ZNF468: variants seen among roughly 807,000 people sequenced by gnomAD.
The protein encoded by ZNF468 is zinc finger protein ZNF468.
ZNF468 carries 8 observed loss-of-function variants against 7.2 expected under a neutral mutation model. The ratio of observed to expected loss-of-function variants is 1.11; its 90% CI spans 0.65 to 2.01. The LOEUF is 2.01. Ranked by LOEUF, ZNF468 falls within the 30% of genes most tolerant of loss-of-function variation. The pLI is 0.00. For synonymous variants in ZNF468, 218 were observed against 214.4 expected (o/e 1.02, Z -0.15); for missense variants, 608 against 626.5 (o/e 0.97, Z 0.31).
intron 3 of ZNF468, 68 bp from the exon 4 acceptor site, chr19:52,842,219 A>T (rs1185652244): frequency 1.9e-5 from 25 of 1,315,656 alleles, no homozygotes; most frequent in Middle Eastern, 3.9e-4. Context: ...AAATGTGTAA[A>T]TATCACAGAA....
chr19:52,848,407 T>G (rs994799976), intron 3 of ZNF468, among the ~76,000 whole-genome samples: 1 of 152,150 alleles, frequency 6.6e-6, no homozygotes, highest in Non-Finnish European at 1.5e-5. Flanking sequence ...GTTCACAAAT[T>G]GCTCCACCTA....
chr19:52,843,170 T>C (rs1003482850), intron 3 of ZNF468, among the ~76,000 whole-genome samples: 14 of 150,776 alleles, frequency 9.3e-5, no homozygotes, highest in African/African-American at 2.7e-4. Flanking sequence ...TTTTTCTGAA[T>C]AACTGTTACA....
chr19:52,847,964 CTG>C (rs2063354219), intron 3 of ZNF468, among the ~76,000 whole-genome samples: 1 of 152,324 alleles, frequency 6.6e-6, no homozygotes, highest in Admixed American at 6.5e-5. Context: ...AACTTTGTCT[CTG>C]TGTCTTATTT....
intron 3 of ZNF468, among the ~76,000 whole-genome samples, chr19:52,847,910 C>T (rs1296262782): frequency 6.6e-6 from 1 of 152,176 alleles, no homozygotes; most frequent in Non-Finnish European, 1.5e-5. Flanking sequence ...CAGGTTCTCG[C>T]ATGCTGAGTG....
chr19:52,843,409 T>G (rs2063320931), intron 3 of ZNF468, among the ~76,000 whole-genome samples: 1 of 151,956 alleles, frequency 6.6e-6, no homozygotes. Flanking sequence ...ATTTTTGTAT[T>G]TTTAGTAGAA....
At position 52,841,384 on chromosome 19, in the gene ZNF468, A is replaced by G. The variant is rs1435082970; in HGVS notation, c.910T>C (p.Cys304Arg). The G allele has an allele frequency of 6.2e-7, 1 of 1,614,068 alleles. No homozygotes were observed. Among genetic ancestry groups the G allele is most frequent in the Admixed American group, 1.7e-5 (1 of 60,004 alleles). ...GATTTGCGACTGAAAACTTTGTCAC[A>G]TTCTTCACATTCATAAGGTTTCTCT... The part of the protein sequence containing the change: ...TGEKPYECEE[C>R]DKVFSRKSHL... The change falls in exon 4 of 4, where the codon TGT becomes CGT. Residue 304 changes from cysteine (C) to arginine (R), a missense_variant. Physicochemically the swap from Cys to Arg is radical, Grantham distance 180. Coordinates refer to ENST00000595646, the MANE Select transcript of ZNF468 (RefSeq NM_001008801.2).
intron 2 of ZNF468, chr19:52,853,755 CTAA>C: frequency 1.7e-6 from 1 of 592,616 alleles, no homozygotes; most frequent in Non-Finnish European, 2.2e-6. Flanking sequence ...ACTTTCCATT[CTAA>C]TTAGTAAGAT....
intron 3 of ZNF468, 76 bp downstream of exon 3, chr19:52,849,011 T>C (rs1329374541): frequency 8.9e-7 from 1 of 1,126,762 alleles, no homozygotes; most frequent in African/African-American, 2.4e-5. Context: ...CAAGGAACAA[T>C]GGGGTTCCTA....
intron 3 of ZNF468, among the ~76,000 whole-genome samples, chr19:52,848,242 C>T (rs1366024695): frequency 6.6e-6 from 1 of 152,258 alleles, no homozygotes; most frequent in East Asian, 1.9e-4. Context: ...TCTCCACAGT[C>T]CAGGGCTTTT....
rs919354008 is a variant in ZNF468 at position 52,838,596 on chromosome 19, CAA to C, written c.*2127_*2128del. On this transcript the variant is annotated 3_prime_UTR_variant, in exon 4 of 4. Coordinates refer to ENST00000595646, the MANE Select transcript of ZNF468 (RefSeq NM_001008801.2). The stretch of plus-strand genomic sequence containing the variant: ...ACATGACCTTCTGTAAAGAAAATCA[CAA>C]AGAGTCAGCCAAAATGCAACTGGAA... The C allele has an allele frequency of 5.9e-5, 9 of 152,230 alleles. No homozygotes were observed. Among genetic ancestry groups the C allele is most frequent in the Admixed American group, 3.9e-4 (6 of 15,282 alleles). 9.4% of individuals were successfully genotyped at this position (152,230 alleles called of 1,614,324 possible).
At chr19:52,842,637 C>A in intron 3 of ZNF468, among the ~76,000 whole-genome samples, 1 of 151,694 alleles carries the variant, frequency 6.6e-6, no homozygotes, top group East Asian at 1.9e-4. Flanking sequence ...ACAATCACAG[C>A]ACTGACAAGA....
At position 52,838,867 on chromosome 19, in the gene ZNF468, G is replaced by A. The variant is rs2063270169; in HGVS notation, c.*1858C>T. On this transcript the variant is annotated 3_prime_UTR_variant, in exon 4 of 4. Transcript: ENST00000595646. ...AATAGATATAAATCCCATACTGATT[G>A]GAAAAATGAATATCGCTCAATGATT... 1 of 151,988 alleles carries A rather than the reference G, an allele frequency of 6.6e-6. No individual in the cohort carries two copies. The highest frequency in any genetic ancestry group is 2.4e-5 in the African/African-American group (1 of 41,396). 9.4% of individuals were successfully genotyped at this position (151,988 alleles called of 1,614,324 possible).
chr19:52,842,437 A>G (rs1347977114), intron 3 of ZNF468, among the ~76,000 whole-genome samples: 4 of 152,144 alleles, frequency 2.6e-5, no homozygotes, highest in Admixed American at 1.3e-4. Context: ...CTGTGACCCT[A>G]AAGTGTGTCA....
chr19:52,841,309 A>G lies in ZNF468; in HGVS notation c.985T>C (p.Cys329Arg), dbSNP rs1246012534. The G allele has an allele frequency of 6.2e-7, 1 of 1,613,640 alleles. No individual in the cohort carries two copies. ...GCGAAAGCCTCATCACAAACCTTAC[A>G]TTTGTATGGTTTCTCTCCAGTATGA... ...RIHTGEKPYK[C>R]KVCDEAFAYN... is the part of the protein sequence containing the mutation. Residue 329 changes from cysteine to arginine, a missense_variant, in exon 4 of 4, where the codon TGT becomes CGT. Coordinates refer to ENST00000595646, the MANE Select transcript of ZNF468 (RefSeq NM_001008801.2).
At chr19:52,844,911 C>T (rs1478213034) in intron 3 of ZNF468, among the ~76,000 whole-genome samples, 1 of 152,116 alleles carries the variant, frequency 6.6e-6, no homozygotes, top group African/African-American at 2.4e-5. Context: ...TCAACATCAC[C>T]AAGGGCTGAC....
chr19:52,853,000 G>A (rs1205973350), intron 2 of ZNF468, among the ~76,000 whole-genome samples: 2 of 151,562 alleles, frequency 1.3e-5, no homozygotes, highest in African/African-American at 4.8e-5. Flanking sequence ...GACTACAGGT[G>A]CCCACCACCA....
chr19:52,850,131 T>C (rs903566585), intron 2 of ZNF468, among the ~76,000 whole-genome samples: 40 of 152,086 alleles, frequency 2.6e-4, no homozygotes, highest in African/African-American at 9.7e-4. Flanking sequence ...TGTGGGGATG[T>C]GTATGTACAT....
At position 52,841,148 on chromosome 19, in the gene ZNF468, A is replaced by C. The variant is rs556632357; in HGVS notation, c.1146T>G (p.Pro382=). 8.1e-6 allele frequency: 13 copies of C among 1,613,302 alleles called. No individual in the cohort carries two copies. In the Admixed American group the frequency reaches 1.0e-4, roughly 12 times the overall value. The change falls in exon 4 of 4, where the codon CCT becomes CCG. Residue 382 remains proline (P), a synonymous_variant. Coordinates refer to ENST00000595646, the MANE Select transcript of ZNF468 (RefSeq NM_001008801.2). ...RHHRLHTGEK[P]YKCEECDKVF... ...CTTTGTCACACTCTTCACATTTGTA[A>C]GGTTTCTCTCCAGTATGAAGTCTAT...
intron 2 of ZNF468, chr19:52,849,627 C>T: frequency 5.0e-6 from 1 of 198,794 alleles, no homozygotes; most frequent in Non-Finnish European, 1.0e-5. Flanking sequence ...GTAATCCCAG[C>T]TATGCAGGAA....
Sources: allele counts gnomAD v4.1 joint callset (sites outside exome capture counted in the v4.1 genomes callset), GRCh38; gene constraint gnomAD v4.1.1; transcripts MANE v1.5; gene names NCBI Gene and HGNC (gene_info 2026-07-23, HGNC 2026-07-21).